MMP16: variants seen among roughly 807,000 people sequenced by gnomAD.
The protein encoded by MMP16 is matrix metalloproteinase-16.
A neutral mutation model predicts 67.8 loss-of-function variants in MMP16; 12 were observed. The ratio of observed to expected loss-of-function variants is 0.18; its 90% CI spans 0.11 to 0.29. The LOEUF (loss-of-function observed/expected upper bound fraction) is 0.29. Ranked by LOEUF, MMP16 falls within the 10% of genes least tolerant of loss-of-function variation. The pLI, the probability that MMP16 is intolerant of heterozygous loss-of-function variation, is 1.00. For missense variants in MMP16, 475 were observed against 765.7 expected (o/e 0.62, Z 4.48); for synonymous variants, 249 against 255.9 (o/e 0.97, Z 0.26).
At chr8:88,194,738 T>A (rs1809223831) in intron 2 of MMP16, among the ~76,000 whole-genome samples, 1 of 151,956 alleles carries the variant, frequency 6.6e-6, no homozygotes, top group South Asian at 2.1e-4. Context: ...AGTTGTTTCA[T>A]CTAGAAATAA....
At chr8:88,135,191 G>C (rs1187007914) in intron 4 of MMP16, among the ~76,000 whole-genome samples, 1 of 151,638 alleles carries the variant, frequency 6.6e-6, no homozygotes, top group Non-Finnish European at 1.5e-5. Flanking sequence ...CATTTATTGA[G>C]TATTAGATTA....
At chr8:88,131,139 G>A (rs116382988) in intron 4 of MMP16, among the ~76,000 whole-genome samples, 251 of 151,702 alleles carry the variant, frequency 1.7e-3, no homozygotes, top group African/African-American at 5.8e-3. Flanking sequence ...CCCAGATAGC[G>A]CTTTTAGAAA....
intron 1 of MMP16, among the ~76,000 whole-genome samples, chr8:88,248,945 A>G (rs1321611323): frequency 6.6e-6 from 1 of 151,948 alleles, no homozygotes; most frequent in African/African-American, 2.4e-5. Flanking sequence ...TTTAGAGAAA[A>G]TCTCTTACTT....
At chr8:88,070,405 A>C (rs936062634) in intron 7 of MMP16, among the ~76,000 whole-genome samples, 1 of 152,294 alleles carries the variant, frequency 6.6e-6, no homozygotes, top group Admixed American at 6.5e-5. Flanking sequence ...GCCTATGAAC[A>C]GGTGGTTGGG....
intron 1 of MMP16, among the ~76,000 whole-genome samples, chr8:88,293,017 T>C (rs1427945657): frequency 1.3e-5 from 2 of 152,170 alleles, no homozygotes; most frequent in African/African-American, 4.8e-5. Context: ...TTCATGTCTA[T>C]CCACTTAACG....
intron 1 of MMP16, among the ~76,000 whole-genome samples, chr8:88,208,572 C>T (rs547856203): frequency 6.6e-6 from 1 of 152,202 alleles, no homozygotes; most frequent in Admixed American, 6.6e-5. Context: ...CTTTAAGGCT[C>T]ATTACACATG....
intron 3 of MMP16, among the ~76,000 whole-genome samples, chr8:88,179,318 A>T (rs547758890): frequency 1.3e-4 from 20 of 152,222 alleles, no homozygotes; most frequent in African/African-American, 3.8e-4. Flanking sequence ...CAAGGTTTAA[A>T]TAATAAAACC....
At chr8:88,302,427 G>T (rs1006470563) in intron 1 of MMP16, among the ~76,000 whole-genome samples, 1 of 152,042 alleles carries the variant, frequency 6.6e-6, no homozygotes, top group African/African-American at 2.4e-5. Context: ...TCTAATTTGC[G>T]TCCCTTGTTA....
intron 1 of MMP16, among the ~76,000 whole-genome samples, chr8:88,238,219 A>G (rs1809975719): frequency 6.6e-6 from 1 of 152,176 alleles, no homozygotes; most frequent in Non-Finnish European, 1.5e-5. Flanking sequence ...ATCCTGAACA[A>G]GACTTGGGCT....
At chr8:88,100,351 A>G (rs1268064223) in intron 6 of MMP16, among the ~76,000 whole-genome samples, 1 of 152,082 alleles carries the variant, frequency 6.6e-6, no homozygotes, top group Non-Finnish European at 1.5e-5. Context: ...GAACACACCT[A>G]TGCAGCCAAC....
intron 4 of MMP16, among the ~76,000 whole-genome samples, chr8:88,142,044 A>G (rs571816829): frequency 3.9e-5 from 6 of 151,996 alleles, no homozygotes; most frequent in African/African-American, 1.2e-4. Context: ...CAGCCTCCCA[A>G]GTAGCTGGGA....
intron 1 of MMP16, among the ~76,000 whole-genome samples, chr8:88,287,883 G>T (rs1810859028): frequency 6.6e-6 from 1 of 152,146 alleles, no homozygotes; most frequent in Non-Finnish European, 1.5e-5. Context: ...AGAAACTGGG[G>T]CTCAAAGAAG....
intron 1 of MMP16, among the ~76,000 whole-genome samples, chr8:88,277,995 G>A (rs927757629): frequency 2.0e-5 from 3 of 152,156 alleles, no homozygotes; most frequent in African/African-American, 7.2e-5. Flanking sequence ...TGGCATCTTC[G>A]ATGAGTAAGG....
chr8:88,090,706 A>G (rs1352908985), intron 6 of MMP16, among the ~76,000 whole-genome samples: 2 of 151,930 alleles, frequency 1.3e-5, no homozygotes, highest in African/African-American at 2.4e-5. Flanking sequence ...TACACAATAT[A>G]TATCTTAAAG....
At chr8:88,259,784 T>C (rs1389485833) in intron 1 of MMP16, among the ~76,000 whole-genome samples, 4 of 152,166 alleles carry the variant, frequency 2.6e-5, no homozygotes, top group Admixed American at 6.5e-5. Context: ...CAAATGCTTA[T>C]GATACATGTT....
chr8:88,069,642 C>T, intron 7 of MMP16: 1 of 392,492 alleles, frequency 2.5e-6, no homozygotes, highest in Non-Finnish European at 4.9e-6. Flanking sequence ...TTCATTGTTC[C>T]TTTCTTGCAA....
At chr8:88,287,299 G>A (rs1439249303) in intron 1 of MMP16, among the ~76,000 whole-genome samples, 1 of 152,008 alleles carries the variant, frequency 6.6e-6, no homozygotes, top group African/African-American at 2.4e-5. Flanking sequence ...CATTCCTTCT[G>A]TATGTTATTC....
intron 1 of MMP16, among the ~76,000 whole-genome samples, chr8:88,252,952 G>A (rs1388446220): frequency 6.6e-6 from 1 of 152,112 alleles, no homozygotes; most frequent in African/African-American, 2.4e-5. Context: ...ATCAATAAAT[G>A]TGCAATTCTC....
intron 1 of MMP16, among the ~76,000 whole-genome samples, chr8:88,209,622 ACTGTATGTATT>A (rs60597759): frequency 0.8 from 121,034 of 151,360 alleles, 48,748 homozygotes; most frequent in East Asian, 0.97. Flanking sequence ...TATGTATTTG[ACTGTATGTATT>A]CTACTCTCTC....
Sources: gnomAD v4.1 joint callset for allele counts (sites outside exome capture counted in the v4.1 genomes callset) on GRCh38, gnomAD v4.1.1 for gene constraint, MANE v1.5 for transcripts, NCBI Gene and HGNC (gene_info 2026-07-23, HGNC 2026-07-21) for gene names.